NIPAL3: variants seen among roughly 807,000 people sequenced by gnomAD.
NIPAL3 encodes NIPA-like protein 3.
Under a neutral mutation model 47.2 loss-of-function variants are expected in NIPAL3, and 41 were observed. That is an observed-to-expected ratio of 0.87 (90% CI 0.68 to 1.13). The LOEUF (loss-of-function observed/expected upper bound fraction) is 1.13, where lower values mean the gene tolerates loss of function less well. Among genes scored for constraint, NIPAL3 ranks in the 50% most tolerant of loss-of-function variants. The probability of loss-of-function intolerance (pLI) is 0.00; values close to 1 mark genes in which losing one functional copy is unlikely to be tolerated. For missense variants in NIPAL3, 449 were observed against 530.1 expected (o/e 0.85, Z 1.50); for synonymous variants, 194 against 209.6 (o/e 0.93, Z 0.64).
At position 24,449,710 on chromosome 1, in the gene NIPAL3, T is replaced by C; in HGVS notation, c.540+84T>C. 5 of 1,421,724 alleles carry C rather than the reference T, an allele frequency of 3.5e-6. No individual in the cohort carries two copies. The highest frequency in any genetic ancestry group is 4.2e-5 in the Admixed American group (2 of 48,074). The allele number at this position is 1,421,724 out of a possible 1,614,324, so 88.1% of individuals were successfully genotyped here. On this transcript the variant is annotated intron_variant, in intron 6 of 11. Coordinates refer to ENST00000374399, the MANE Select transcript of NIPAL3 (RefSeq NM_020448.5). This position sits in a 1 kb window ranked among gnomAD's most constrained non-coding sequence, Gnocchi z 4.5. ...AACCAGAAACGTGAATACCCAGCAA[T>C]AGGGGATTCCGTGAGTTGCGGCACA... is the stretch of plus-strand genomic sequence containing the variant.
At chr1:24,467,307 CAA>C (rs11367687) in intron 11 of NIPAL3, among the ~76,000 whole-genome samples, 191 of 147,078 alleles carry the variant, frequency 1.3e-3, no homozygotes, top group Middle Eastern at 3.5e-3. Flanking sequence ...ACTAAAAATA[CAA>C]AAAAAAAAAA....
intron 9 of NIPAL3, among the ~76,000 whole-genome samples, chr1:24,459,859 C>A (rs1446994250): frequency 6.6e-6 from 1 of 152,180 alleles, no homozygotes; most frequent in Non-Finnish European, 1.5e-5. Flanking sequence ...GAACAGAAGT[C>A]AAGGCAGGGA....
intron 5 of NIPAL3, among the ~76,000 whole-genome samples, chr1:24,446,243 C>G (rs1014827838): frequency 6.6e-6 from 1 of 152,136 alleles, no homozygotes; most frequent in Non-Finnish European, 1.5e-5. Context: ...CAGGGTCAGA[C>G]TCTCTGAGGA....
At position 24,419,593 on chromosome 1, in the gene NIPAL3, C is replaced by T; in HGVS notation, c.46C>T (p.Pro16Ser). The T allele has an allele frequency of 6.2e-7, 1 of 1,614,094 alleles. No homozygotes were observed. The part of the protein sequence containing the change: ...SAALKLQQLP[P>S]TSSSSAVSEA... ...AGCCCTGAAGCTGCAGCAGCTGCCT[C>T]CCACAAGTAGCTCCAGCGCCGTAAG... The change falls in exon 2 of 12, where the codon CCC (proline) becomes TCC (serine). Residue 16 changes from proline to serine, a missense_variant. Pro to Ser is a moderately conservative substitution (Grantham distance 74). Coordinates refer to ENST00000374399, the MANE Select transcript of NIPAL3 (RefSeq NM_020448.5).
intron 4 of NIPAL3, 97 bp downstream of exon 4, chr1:24,442,323 C>A: frequency 7.4e-7 from 1 of 1,356,244 alleles, no homozygotes; most frequent in South Asian, 1.4e-5. Flanking sequence ...AACAAACCAG[C>A]TTTAGCTTGG....
At chr1:24,467,067 CTCT>C (rs1646728153) in intron 11 of NIPAL3, among the ~76,000 whole-genome samples, 1 of 152,204 alleles carries the variant, frequency 6.6e-6, no homozygotes, top group East Asian at 1.9e-4. Context: ...CTCTCTGAAT[CTCT>C]TCTTATCCAG....
chr1:24,471,779 C>T lies in NIPAL3; in HGVS notation c.*2594C>T, dbSNP rs1442075360. ...AAGAATCAGAAGGGGGAATAAGTTA[C>T]CTTCTCCGAGCCTGCAAGAACAAAA... On this transcript the variant is annotated 3_prime_UTR_variant, in exon 12 of 12. Transcript: ENST00000374399. 6.6e-6 allele frequency: 1 copy of T among 152,086 alleles called. No individual in the cohort carries two copies. Among genetic ancestry groups the T allele is most frequent in the Non-Finnish European group, 1.5e-5 (1 of 68,034 alleles). The allele number at this position is 152,086 out of a possible 1,614,324, so 9.4% of individuals were successfully genotyped here. A position where few individuals can be genotyped will look rare whatever the true frequency, so the allele number is the denominator to read the frequency against.
At chr1:24,450,769 G>A (rs564735487) in intron 6 of NIPAL3, among the ~76,000 whole-genome samples, 27 of 152,268 alleles carry the variant, frequency 1.8e-4, no homozygotes, top group African/African-American at 4.6e-4. Flanking sequence ...GTGGCCTGCC[G>A]ACAAAGGTGT....
chr1:24,420,821 G>T (rs752063637), intron 2 of NIPAL3, among the ~76,000 whole-genome samples: 4 of 152,128 alleles, frequency 2.6e-5, no homozygotes, highest in Non-Finnish European at 5.9e-5. Flanking sequence ...ATCTGGAGTG[G>T]CTGTAAACCA....
At chr1:24,437,883 GAAGAA>G (rs1645196171) in intron 2 of NIPAL3, among the ~76,000 whole-genome samples, 1 of 152,174 alleles carries the variant, frequency 6.6e-6, no homozygotes. Flanking sequence ...TCGTTTATCA[GAAGAA>G]AAGGAAAGGA....
chr1:24,429,691 T>C (rs1644791188), intron 2 of NIPAL3, among the ~76,000 whole-genome samples: 2 of 152,190 alleles, frequency 1.3e-5, no homozygotes, highest in African/African-American at 4.8e-5. Context: ...AGGTGCTTGC[T>C]TTATTTGGGT....
intron 11 of NIPAL3, among the ~76,000 whole-genome samples, chr1:24,467,363 G>A (rs538192443): frequency 6.6e-6 from 1 of 152,210 alleles, no homozygotes; most frequent in African/African-American, 2.4e-5. Flanking sequence ...CTAGCTACTC[G>A]GGAGGCTCAG....
chr1:24,425,665 A>G (rs1488184767), intron 2 of NIPAL3, among the ~76,000 whole-genome samples: 1 of 152,146 alleles, frequency 6.6e-6, no homozygotes. Flanking sequence ...GGCTGAGTGC[A>G]TAGTGATTAT....
At chr1:24,423,896 T>C (rs1230859793) in intron 2 of NIPAL3, among the ~76,000 whole-genome samples, 2 of 152,066 alleles carry the variant, frequency 1.3e-5, no homozygotes, top group Admixed American at 6.5e-5. Flanking sequence ...ATAAAGGAGA[T>C]GTTTGCAGCT....
At chr1:24,425,816 G>T (rs951528961) in intron 2 of NIPAL3, among the ~76,000 whole-genome samples, 1 of 152,154 alleles carries the variant, frequency 6.6e-6, no homozygotes, top group South Asian at 2.1e-4. Context: ...AACCGAAGCT[G>T]CCTGCACCAC....
In NIPAL3 at chr1:24,472,589, G is replaced by A. The variant is rs1400094374; in HGVS notation, c.*3404G>A. 1.3e-5 allele frequency: 2 copies of A among 152,142 alleles called. No homozygotes were observed. The highest frequency in any genetic ancestry group is 2.9e-5 in the Non-Finnish European group (2 of 68,046). The allele number at this position is 152,142 out of a possible 1,614,324, so 9.4% of individuals were successfully genotyped here. A position where few individuals can be genotyped will look rare whatever the true frequency, so the allele number is the denominator to read the frequency against. ...TAAACTTCAGTTGCCATCACAGCAG[G>A]GTTCAGGTTATGCAGTTTTTGCAGT... On this transcript the variant is annotated 3_prime_UTR_variant, in exon 12 of 12. Coordinates refer to ENST00000374399, the MANE Select transcript of NIPAL3 (RefSeq NM_020448.5).
intron 2 of NIPAL3, among the ~76,000 whole-genome samples, chr1:24,427,993 C>T (rs576317284): frequency 6.6e-6 from 1 of 152,290 alleles, no homozygotes; most frequent in East Asian, 1.9e-4. Flanking sequence ...TGCTTGTAAT[C>T]CCAGAACTCT....
Position 24,472,311 on chromosome 1 carries a change from G to C in NIPAL3, c.*3126G>C, listed in dbSNP as rs550801266. On this transcript the variant is annotated 3_prime_UTR_variant, in exon 12 of 12. Coordinates refer to ENST00000374399, the MANE Select transcript of NIPAL3 (RefSeq NM_020448.5). ...CACAGTGGGTGTGGAGCCATCATCT[G>C]TCTTGGGCTGGTTCCTCCCAATCTT... The C allele has an allele frequency of 2.6e-5, 4 of 152,234 alleles. No homozygotes were observed. In the East Asian group the frequency reaches 5.8e-4, roughly 22 times the overall value. 9.4% of individuals were successfully genotyped at this position (152,234 alleles called of 1,614,324 possible).
At chr1:24,460,834 A>T (rs531305790) in intron 10 of NIPAL3, among the ~76,000 whole-genome samples, 9 of 152,334 alleles carry the variant, frequency 5.9e-5, no homozygotes, top group Admixed American at 3.3e-4. Flanking sequence ...AAGCTACATG[A>T]GATACCATCA....
Sources: allele counts gnomAD v4.1 joint callset (sites outside exome capture counted in the v4.1 genomes callset), GRCh38; gene constraint gnomAD v4.1.1; non-coding constraint Gnocchi (gnomAD v3.1); transcripts MANE v1.5; gene names NCBI Gene and HGNC (gene_info 2026-07-23, HGNC 2026-07-21).